Variants in CCSER1 observed in about 807,000 individuals in gnomAD.
CCSER1 encodes serine-rich coiled-coil domain-containing protein 1.
In CCSER1, 41 loss-of-function variants were observed where a neutral mutation model predicts 82.0. That is an observed-to-expected ratio of 0.50 (90% CI 0.39 to 0.65). The LOEUF (loss-of-function observed/expected upper bound fraction) is 0.65. CCSER1 is among the 30% of genes least tolerant of loss of function. CCSER1 has a pLI of 0.00. For synonymous variants in CCSER1, 414 were observed against 383.9 expected (o/e 1.08, Z -0.92); for missense variants, 1,119 against 1,064.2 (o/e 1.05, Z -0.72).
intron 7 of CCSER1, among the ~76,000 whole-genome samples, chr4:90,811,342 AGT>A (rs1758259334): frequency 6.6e-6 from 1 of 152,244 alleles, no homozygotes; most frequent in African/African-American, 2.4e-5. Flanking sequence ...AGCAAGTAAC[AGT>A]TAATGAAGGG....
intron 1 of CCSER1, among the ~76,000 whole-genome samples, chr4:90,197,143 CTA>C (rs992099985): frequency 6.6e-6 from 1 of 152,062 alleles, no homozygotes; most frequent in Non-Finnish European, 1.5e-5. Flanking sequence ...ACTCAGAACA[CTA>C]TGCTTACTTT....
intron 10 of CCSER1, among the ~76,000 whole-genome samples, chr4:91,232,046 T>C (rs1270065174): frequency 6.6e-6 from 1 of 151,764 alleles, no homozygotes; most frequent in Non-Finnish European, 1.5e-5. Context: ...TGGAGAGAAA[T>C]AGCACTTTAG....
At chr4:90,259,214 G>A (rs1008139311) in intron 1 of CCSER1, among the ~76,000 whole-genome samples, 35 of 151,920 alleles carry the variant, frequency 2.3e-4, no homozygotes, top group African/African-American at 8.2e-4. Flanking sequence ...ATATTCCTAG[G>A]TATTTTATTG....
At chr4:91,155,247 T>C (rs978095350) in intron 10 of CCSER1, among the ~76,000 whole-genome samples, 2 of 151,798 alleles carry the variant, frequency 1.3e-5, no homozygotes, top group African/African-American at 2.4e-5. Flanking sequence ...TAGGGGTAGA[T>C]TTTGCCCATG....
At chr4:90,202,024 A>G (rs1288104147) in intron 1 of CCSER1, among the ~76,000 whole-genome samples, 2 of 152,204 alleles carry the variant, frequency 1.3e-5, no homozygotes, top group Non-Finnish European at 2.9e-5. Context: ...GGACAAAACC[A>G]TAAGGTTACA....
intron 3 of CCSER1, among the ~76,000 whole-genome samples, chr4:90,317,227 A>G (rs7668235): frequency 0.055 from 8,415 of 152,238 alleles, 646 homozygotes; most frequent in African/African-American, 0.17. Flanking sequence ...GTGAGAGTAG[A>G]TTCATATATA....
At chr4:90,967,994 A>T (rs904205310) in intron 9 of CCSER1, among the ~76,000 whole-genome samples, 9 of 152,028 alleles carry the variant, frequency 5.9e-5, no homozygotes, top group African/African-American at 1.9e-4. Context: ...TTAATCCATG[A>T]TTTCTCTAAC....
chr4:90,421,648 T>A (rs1756708737), intron 4 of CCSER1, among the ~76,000 whole-genome samples: 1 of 152,184 alleles, frequency 6.6e-6, no homozygotes, highest in African/African-American at 2.4e-5. Context: ...AATAATGATT[T>A]TTTTATCCTT....
rs550474264 is a variant in CCSER1, at chr4:91,133,013, A to G, written c.2217+47019A>G. Reference sequence around the variant, plus strand: ...TTGTCAGGGCTTTATTTATGTTTGAAACAAATTCATTAGCATAGGGAAGCT... The same window carrying G: ...TTGTCAGGGCTTTATTTATGTTTGAGACAAATTCATTAGCATAGGGAAGCT... On this transcript the variant is annotated intron_variant, in intron 10 of 10. Transcript: ENST00000509176. 2.8e-4 allele frequency among the ~76,000 whole-genome samples: 43 copies of G among 152,320 alleles called. 1 individual carries two copies. In the South Asian group the frequency reaches 8.7e-3, roughly 31 times the overall value.
chr4:91,496,721 A>T (rs375822349), intron 10 of CCSER1, among the ~76,000 whole-genome samples: 452 of 18,612 alleles, frequency 0.024, 141 homozygotes, highest in East Asian at 0.18. Flanking sequence ...TTCAATATAT[A>T]GAATATATAT....
chr4:90,146,343 C>G (rs1346446380), intron 1 of CCSER1, among the ~76,000 whole-genome samples: 2 of 151,826 alleles, frequency 1.3e-5, no homozygotes, highest in East Asian at 3.9e-4. Context: ...ATACTTTACC[C>G]ACATTATGCT....
At chr4:91,450,069 C>T (rs1578487916) in intron 10 of CCSER1, among the ~76,000 whole-genome samples, 1 of 152,060 alleles carries the variant, frequency 6.6e-6, no homozygotes, top group East Asian at 1.9e-4. Context: ...CTGGGTACTA[C>T]ACAGGGCAAG....
At chr4:91,260,648 G>A (rs1207829091) in intron 10 of CCSER1, among the ~76,000 whole-genome samples, 1 of 151,974 alleles carries the variant, frequency 6.6e-6, no homozygotes, top group East Asian at 1.9e-4. Context: ...GTCTTCTTAC[G>A]GCAAAAGACT....
At chr4:90,845,629 A>C (rs1319838652) in intron 8 of CCSER1, among the ~76,000 whole-genome samples, 1 of 152,156 alleles carries the variant, frequency 6.6e-6, no homozygotes. Context: ...CAGAACTAGG[A>C]GTGAAAGGCT....
chr4:90,889,561 A>G (rs1306836790), intron 8 of CCSER1, among the ~76,000 whole-genome samples: 1 of 152,186 alleles, frequency 6.6e-6, no homozygotes, highest in Non-Finnish European at 1.5e-5. Flanking sequence ...CTGCTAGAGC[A>G]AATTTTTTTT....
intron 10 of CCSER1, among the ~76,000 whole-genome samples, chr4:91,356,379 T>G (rs111787562): frequency 0.02 from 3,006 of 152,350 alleles, 91 homozygotes; most frequent in African/African-American, 0.067. Flanking sequence ...TTTTATTGAC[T>G]GTCATCTACC....
intron 1 of CCSER1, among the ~76,000 whole-genome samples, chr4:90,262,151 G>T (rs1724449060): frequency 6.6e-6 from 1 of 151,438 alleles, no homozygotes; most frequent in East Asian, 1.9e-4. Context: ...GTGATTTTTT[G>T]GGGATATTAA....
chr4:90,875,782 G>T (rs962787378), intron 8 of CCSER1, among the ~76,000 whole-genome samples: 14 of 152,256 alleles, frequency 9.2e-5, no homozygotes, highest in African/African-American at 2.9e-4. Context: ...TTCAAAAGAA[G>T]AGCGAAGGTC....
At chr4:90,200,402 T>C in intron 1 of CCSER1, among the ~76,000 whole-genome samples, 1 of 152,074 alleles carries the variant, frequency 6.6e-6, no homozygotes, top group African/African-American at 2.4e-5. Context: ...CACACAAATA[T>C]CTTGATACCT....
Sources: allele counts gnomAD v4.1 joint callset (sites outside exome capture counted in the v4.1 genomes callset), GRCh38; gene constraint gnomAD v4.1.1; transcripts MANE v1.5; gene names NCBI Gene and HGNC (gene_info 2026-07-23, HGNC 2026-07-21).